VTI1A: variants seen among roughly 807,000 people sequenced by gnomAD.
VTI1A encodes the protein vesicle transport through interaction with t-SNAREs 1A, also known as vesicle transport through interaction with t-SNAREs homolog 1A.
VTI1A carries 22 observed loss-of-function variants against 34.9 expected under a neutral mutation model. That is an observed-to-expected ratio of 0.63 (90% CI 0.45 to 0.90). The LOEUF is 0.90. Among genes scored for constraint, VTI1A ranks in the 40% least tolerant of loss-of-function variants. The probability of loss-of-function intolerance (pLI) is 0.00; values close to 1 mark genes in which losing one functional copy is unlikely to be tolerated. For synonymous variants in VTI1A, 87 were observed against 97.3 expected (o/e 0.89, Z 0.62); for missense variants, 268 against 275.6 (o/e 0.97, Z 0.20).
chr10:112,572,842 C>CAA (rs35922968), intron 5 of VTI1A, among the ~76,000 whole-genome samples: 33 of 131,876 alleles, frequency 2.5e-4, no homozygotes, highest in African/African-American at 9.1e-4. Flanking sequence ...CCGTCTCAAC[C>CAA]AAAAAAAAAA....
chr10:112,462,785 AGG>A (rs2134047101), intron 2 of VTI1A, among the ~76,000 whole-genome samples: 1 of 152,346 alleles, frequency 6.6e-6, no homozygotes, highest in Admixed American at 6.5e-5. Context: ...ATAAGCTGGT[AGG>A]GTTCCGGAAG....
At chr10:112,462,205 G>A (rs1334213741) in intron 2 of VTI1A, among the ~76,000 whole-genome samples, 2 of 152,146 alleles carry the variant, frequency 1.3e-5, no homozygotes, top group East Asian at 3.9e-4. Context: ...TTTGACTATT[G>A]GGATTAATTG....
At chr10:112,551,703 G>T (rs1281441469) in intron 5 of VTI1A, among the ~76,000 whole-genome samples, 1 of 152,166 alleles carries the variant, frequency 6.6e-6, no homozygotes, top group Non-Finnish European at 1.5e-5. Context: ...TTTTTAAGGA[G>T]GGTAGAGGAG....
At chr10:112,726,596 TG>T (rs1321507628) in intron 7 of VTI1A, among the ~76,000 whole-genome samples, 5 of 152,146 alleles carry the variant, frequency 3.3e-5, no homozygotes, top group African/African-American at 4.8e-5. Context: ...TGCCAGGTAA[TG>T]AAAAAGTGTT....
At chr10:112,676,952 G>C (rs1392539617) in intron 7 of VTI1A, among the ~76,000 whole-genome samples, 1 of 152,178 alleles carries the variant, frequency 6.6e-6, no homozygotes, top group Non-Finnish European at 1.5e-5. Context: ...GGATTCCCCT[G>C]GTGGAGACAG....
intron 7 of VTI1A, among the ~76,000 whole-genome samples, chr10:112,774,337 G>A (rs993275127): frequency 6.6e-6 from 1 of 152,120 alleles, no homozygotes; most frequent in African/African-American, 2.4e-5. Context: ...ACTTCAGGAC[G>A]CCAGAAAGAA....
chr10:112,790,103 A>G (rs1852411506), intron 7 of VTI1A, among the ~76,000 whole-genome samples: 1 of 152,072 alleles, frequency 6.6e-6, no homozygotes, highest in South Asian at 2.1e-4. Context: ...CAGTCTACTC[A>G]GTTGTTGCTT....
intron 7 of VTI1A, among the ~76,000 whole-genome samples, chr10:112,810,740 G>A (rs1853251842): frequency 6.6e-6 from 1 of 152,198 alleles, no homozygotes; most frequent in Non-Finnish European, 1.5e-5. Flanking sequence ...GTTTGGAATA[G>A]GGAAACGAAC....
chr10:112,795,827 A>G (rs1852654820), intron 7 of VTI1A, among the ~76,000 whole-genome samples: 1 of 152,138 alleles, frequency 6.6e-6, no homozygotes, highest in East Asian at 1.9e-4. Context: ...ATTATTTTAA[A>G]TAATTATTAT....
chr10:112,843,300 A>G, the VTI1A span, among the ~76,000 whole-genome samples: 1 of 152,256 alleles, frequency 6.6e-6, no homozygotes, highest in East Asian at 1.9e-4. Flanking sequence ...GACAACATTC[A>G]GCAAAGCCAC....
At chr10:112,462,284 C>A (rs867589399) in intron 2 of VTI1A, among the ~76,000 whole-genome samples, 3 of 152,188 alleles carry the variant, frequency 2.0e-5, no homozygotes, top group African/African-American at 7.2e-5. Context: ...ATCTTTTCTC[C>A]CACTCTGCAC....
intron 3 of VTI1A, among the ~76,000 whole-genome samples, chr10:112,469,450 C>A (rs991646571): frequency 2.0e-5 from 3 of 152,138 alleles, no homozygotes; most frequent in African/African-American, 7.2e-5. Context: ...ATTTTTGCCT[C>A]TGTGGACATG....
In VTI1A at chr10:112,748,286, G is replaced by A. The variant is rs903173132; in HGVS notation, c.561-67004G>A. On this transcript the variant is annotated intron_variant, in intron 7 of 7. Transcript: ENST00000393077. The stretch of plus-strand genomic sequence containing the variant: ...TGGGGTTGCATTTGGAAATTGTACT[G>A]GTACTGAAAACAACAATAGCCAGAG... Among the ~76,000 whole-genome samples, 11 of 152,100 alleles carry A rather than the reference G, an allele frequency of 7.2e-5. 1 individual carries two copies. Among genetic ancestry groups the A allele is most frequent in the African/African-American group, 2.7e-4 (11 of 41,408 alleles).
chr10:112,845,224 G>A, the VTI1A span, among the ~76,000 whole-genome samples: 1 of 152,184 alleles, frequency 6.6e-6, no homozygotes, highest in African/African-American at 2.4e-5. Flanking sequence ...CCTGGACGTG[G>A]CAGAAACCCG....
At chr10:112,531,108 C>T (rs891747547) in intron 4 of VTI1A, among the ~76,000 whole-genome samples, 6 of 138,546 alleles carry the variant, frequency 4.3e-5, no homozygotes, top group Admixed American at 2.8e-4. Flanking sequence ...CACACACGTG[C>T]GCACGTGCGC....
intron 5 of VTI1A, among the ~76,000 whole-genome samples, chr10:112,667,322 A>G (rs1205669606): frequency 1.3e-5 from 2 of 152,154 alleles, no homozygotes; most frequent in Non-Finnish European, 2.9e-5. Context: ...GCATCCTTCT[A>G]GTATGGAGTA....
In VTI1A at chr10:112,461,322, C is replaced by T. The variant is rs79725628; in HGVS notation, c.153+740C>T. On this transcript the variant is annotated intron_variant, in intron 2 of 7. Coordinates refer to ENST00000393077, the MANE Select transcript of VTI1A (RefSeq NM_145206.4). ...TTCCTCTCCCTGAGCTCCCCGCAAA[C>T]CCAATCCTGAAAAATGGCTCAGACA... 4.6e-5 allele frequency among the ~76,000 whole-genome samples: 7 copies of T among 152,332 alleles called. No individual in the cohort carries two copies. The East Asian group carries it at 1.4e-3, about 29-fold the overall frequency.
At chr10:112,486,923 ATC>A in intron 3 of VTI1A, among the ~76,000 whole-genome samples, 1 of 152,014 alleles carries the variant, frequency 6.6e-6, no homozygotes, top group South Asian at 2.1e-4. Context: ...GCCACATTTA[ATC>A]TCTCTTTACC....
rs368296476 is a variant in VTI1A at position 112,799,021 on chromosome 10, G to T, written c.561-16269G>T. The stretch of plus-strand genomic sequence containing the variant: ...CTTCTCGTGAGAGTCCATGAGGCGC[G>T]CACAGGCTGGTTTCTGGCTCCTGTT... On this transcript the variant is annotated intron_variant, in intron 7 of 7. Coordinates refer to ENST00000393077, the MANE Select transcript of VTI1A (RefSeq NM_145206.4). 9.2e-5 allele frequency among the ~76,000 whole-genome samples: 14 copies of T among 152,276 alleles called. No homozygotes were observed. The East Asian group carries it at 2.7e-3, about 29-fold the overall frequency.
Sources: gnomAD v4.1 joint callset for allele counts (sites outside exome capture counted in the v4.1 genomes callset) on GRCh38, gnomAD v4.1.1 for gene constraint, MANE v1.5 for transcripts, NCBI Gene and HGNC (gene_info 2026-07-23, HGNC 2026-07-21) for gene names.